The following ENPP1 variants were observed in gnomAD, a reference collection of about 807,000 sequenced individuals.
The protein encoded by ENPP1 is ectonucleotide pyrophosphatase/phosphodiesterase 1, also known as ectonucleotide pyrophosphatase/phosphodiesterase family member 1.
In ENPP1, 73 loss-of-function variants were observed where a neutral mutation model predicts 122.8. The observed-to-expected ratio is 0.59, with a 90% CI of 0.49 to 0.72. The LOEUF is 0.72. Ranked by LOEUF, ENPP1 falls within the 30% of genes least tolerant of loss-of-function variation. ENPP1 has a pLI of 0.00. For missense variants in ENPP1, 978 were observed against 1,128.1 expected (o/e 0.87, Z 1.91); for synonymous variants, 367 against 391.6 (o/e 0.94, Z 0.74).
At position 131,812,228 on chromosome 6, in the gene ENPP1, T is replaced by C. The variant is rs539065878; in HGVS notation, c.240+3953T>C. On this transcript the variant is annotated intron_variant, in intron 1 of 24. Coordinates refer to ENST00000647893, the MANE Select transcript of ENPP1 (RefSeq NM_006208.3). ...AGGATGACACAAATAAGGACAATTA[T>C]CAACAAAACAACTTGAAATACAAAT... Among the ~76,000 whole-genome samples, 10 of 152,340 alleles carry C rather than the reference T, an allele frequency of 6.6e-5. No individual in the cohort carries two copies. The South Asian group carries it at 1.9e-3, about 28-fold the overall frequency.
chr6:131,844,459 C>A (rs1781780490), intron 1 of ENPP1, among the ~76,000 whole-genome samples: 1 of 152,092 alleles, frequency 6.6e-6, no homozygotes, highest in African/African-American at 2.4e-5. Context: ...CCATAGGCAT[C>A]TTTTAGTCAG....
At chr6:131,826,224 C>G in intron 1 of ENPP1, 1 of 944,668 alleles carries the variant, frequency 1.1e-6, no homozygotes, top group South Asian at 1.3e-5. Flanking sequence ...GCTTTTTGCA[C>G]TGAAACAGCC....
Position 131,875,828 on chromosome 6 carries a change from C to A in ENPP1, c.1688C>A (p.Thr563Asn). 1 of 1,613,964 alleles carries A rather than the reference C, an allele frequency of 6.2e-7. No homozygotes were observed. Among genetic ancestry groups the A allele is most frequent in the Non-Finnish European group, 8.5e-7 (1 of 1,179,880 alleles). Reference sequence around the variant, plus strand: ...TTCAAGCATGGCATTGAGGCTGACACCTTTGAAAACATTGAAGTCTATAAC... The same window carrying A: ...TTCAAGCATGGCATTGAGGCTGACAACTTTGAAAACATTGAAGTCTATAAC... ...PGFKHGIEADTFENIEVYNLM... is the reference protein window; with the variant it reads ...PGFKHGIEADNFENIEVYNLM... The change falls in exon 17 of 25, where the codon ACC becomes AAC. Residue 563 changes from threonine (T) to asparagine (N), a missense_variant. By Grantham distance (65) the Thr-to-Asn change is moderately conservative. This residue lies in a region of ENPP1 where 644 missense variants were observed against 781.5 expected (regional missense o/e 0.82). Coordinates refer to ENST00000647893, the MANE Select transcript of ENPP1 (RefSeq NM_006208.3).
chr6:131,848,089 G>T (rs934810735), intron 2 of ENPP1, among the ~76,000 whole-genome samples: 1 of 152,144 alleles, frequency 6.6e-6, no homozygotes, highest in Non-Finnish European at 1.5e-5. Context: ...TGGAGCCCAT[G>T]CTCCCTGACT....
intron 1 of ENPP1, among the ~76,000 whole-genome samples, chr6:131,845,154 T>C (rs529334577): frequency 7.7e-6 from 1 of 130,658 alleles, no homozygotes; most frequent in East Asian, 2.7e-4. Context: ...TGCCTCAGCC[T>C]CCCAAGTAGC....
At chr6:131,823,619 A>G (rs1483251667) in intron 1 of ENPP1, among the ~76,000 whole-genome samples, 1 of 149,538 alleles carries the variant, frequency 6.7e-6, no homozygotes, top group Non-Finnish European at 1.5e-5. Context: ...TTCTCACCCA[A>G]CATCAGGCAC....
In ENPP1 at chr6:131,858,650, TA is replaced by T. The variant is rs1229643411; in HGVS notation, c.716-17del. ...GTCAGATGTATTTAATAACAATGTTTATTTTTTTCCCTTCTAGAAAAATGTG... is the reference window on the plus strand; with the variant it reads ...GTCAGATGTATTTAATAACAATGTTTTTTTTTTCCCTTCTAGAAAAATGTG... On this transcript the variant is annotated splice_polypyrimidine_tract_variant and intron_variant, in intron 6 of 24. Transcript: ENST00000647893. 2 of 1,515,014 alleles carry T rather than the reference TA, an allele frequency of 1.3e-6. No individual in the cohort carries two copies. Among genetic ancestry groups the T allele is most frequent in the Non-Finnish European group, 1.8e-6 (2 of 1,091,328 alleles). The allele number at this position is 1,515,014 out of a possible 1,614,324, so 93.8% of individuals were successfully genotyped here.
In ENPP1 at chr6:131,808,188, C is replaced by A; in HGVS notation, c.153C>A (p.Ala51=). ...GDPQAAASLL[A]PMDVGEEPLE... is the part of the protein sequence containing the mutation. Reference sequence around the variant, plus strand: ...CGCAGGCGGCCGCGTCCTTGCTGGCCCCTATGGACGTGGGGGAGGAGCCGC... The same window carrying A: ...CGCAGGCGGCCGCGTCCTTGCTGGCACCTATGGACGTGGGGGAGGAGCCGC... Residue 51 remains alanine (A), a synonymous_variant, in exon 1 of 25, where the codon GCC becomes GCA. Coordinates refer to ENST00000647893, the MANE Select transcript of ENPP1 (RefSeq NM_006208.3). 1 of 1,495,968 alleles carries A rather than the reference C, an allele frequency of 6.7e-7. No homozygotes were observed. The highest frequency in any genetic ancestry group is 8.9e-7 in the Non-Finnish European group (1 of 1,122,054). The allele number at this position is 1,495,968 out of a possible 1,614,324, so 92.7% of individuals were successfully genotyped here.
At chr6:131,817,507 G>T (rs1781428755) in intron 1 of ENPP1, among the ~76,000 whole-genome samples, 2 of 152,096 alleles carry the variant, frequency 1.3e-5, no homozygotes, top group African/African-American at 4.8e-5. Flanking sequence ...TTGGGAAATT[G>T]TGCTTTTCTT....
At chr6:131,845,047 T>C (rs1781789971) in intron 1 of ENPP1, among the ~76,000 whole-genome samples, 1 of 118,660 alleles carries the variant, frequency 8.4e-6, no homozygotes, top group South Asian at 2.9e-4. Flanking sequence ...TTCATGGTTT[T>C]TTTTTTTTTT....
At chr6:131,854,366 T>C (rs2114695588) in intron 5 of ENPP1, among the ~76,000 whole-genome samples, 1 of 152,262 alleles carries the variant, frequency 6.6e-6, no homozygotes, top group South Asian at 2.1e-4. Flanking sequence ...TGAGCTGTGA[T>C]AGCGCCACTG....
intron 11 of ENPP1, among the ~76,000 whole-genome samples, chr6:131,865,404 A>C (rs987655943): frequency 6.6e-6 from 1 of 152,190 alleles, no homozygotes; most frequent in Non-Finnish European, 1.5e-5. Flanking sequence ...AGATTTTATC[A>C]AAAGTGTAGC....
At chr6:131,826,615 A>T (rs1039846922) in intron 1 of ENPP1, 2 of 974,870 alleles carry the variant, frequency 2.1e-6, no homozygotes, top group Admixed American at 1.8e-5. Context: ...GTCACAGCTG[A>T]TCAGTTCTAG....
intron 19 of ENPP1, 83 bp downstream of exon 19, chr6:131,878,676 G>T: frequency 2.9e-6 from 3 of 1,022,130 alleles, no homozygotes; most frequent in Non-Finnish European, 4.6e-6. Flanking sequence ...TGGCTTGGGG[G>T]TATTATTTGA....
At chr6:131,832,962 T>C (rs1781632473) in intron 1 of ENPP1, among the ~76,000 whole-genome samples, 1 of 152,272 alleles carries the variant, frequency 6.6e-6, no homozygotes, top group African/African-American at 2.4e-5. Flanking sequence ...ATTTGCTCCA[T>C]GATTTATAAA....
chr6:131,864,992 C>A (rs940087131), intron 11 of ENPP1, 54 bp downstream of exon 11: 1 of 1,146,604 alleles, frequency 8.7e-7, no homozygotes, highest in Non-Finnish European at 1.3e-6. Flanking sequence ...TCAAACTGAA[C>A]CTCGCTTTGA....
chr6:131,822,461 G>A (rs1781494516), intron 1 of ENPP1, among the ~76,000 whole-genome samples: 1 of 151,730 alleles, frequency 6.6e-6, no homozygotes, highest in African/African-American at 2.4e-5. Context: ...TTTCCCCATT[G>A]CTATAAAAAT....
chr6:131,857,768 T>A (rs1353832703), intron 6 of ENPP1, among the ~76,000 whole-genome samples: 1 of 152,110 alleles, frequency 6.6e-6, no homozygotes, highest in Non-Finnish European at 1.5e-5. Context: ...ACCTGCACAA[T>A]GTGCACATGT....
intron 5 of ENPP1, 28 bp downstream of exon 5, chr6:131,852,263 T>C: frequency 6.8e-7 from 1 of 1,480,068 alleles, no homozygotes. Context: ...GGTATTAATT[T>C]TTTCTTTTTT....
Sources: gnomAD v4.1 joint callset for allele counts (sites outside exome capture counted in the v4.1 genomes callset) on GRCh38, gnomAD v4.1.1 for gene constraint, gnomAD v4.1.1 regional missense constraint, MANE v1.5 for transcripts, NCBI Gene and HGNC (gene_info 2026-07-23, HGNC 2026-07-21) for gene names.